The following GALNTL6 variants were observed in gnomAD, a reference collection of about 807,000 sequenced individuals.
GALNTL6 encodes the protein polypeptide N-acetylgalactosaminyltransferase like 6, also known as polypeptide N-acetylgalactosaminyltransferase-like 6.
GALNTL6 carries 46 observed loss-of-function variants against 73.7 expected under a neutral mutation model. The observed-to-expected ratio is 0.62, with a 90% CI of 0.49 to 0.80. GALNTL6 has a LOEUF of 0.80. Ranked by LOEUF, GALNTL6 falls within the 30% of genes least tolerant of loss-of-function variation. The pLI, the probability that GALNTL6 is intolerant of heterozygous loss-of-function variation, is 0.00. For synonymous variants in GALNTL6, 259 were observed against 263.7 expected, an observed-to-expected ratio of 0.98 and a Z score of 0.17; for missense variants, 604 against 755.0, an observed-to-expected ratio of 0.80 and a Z score of 2.34.
chr4:172,650,514 A>G (rs1740427654), intron 5 of GALNTL6, among the ~76,000 whole-genome samples: 1 of 152,216 alleles, frequency 6.6e-6, no homozygotes, highest in South Asian at 2.1e-4. Flanking sequence ...AGGCCATTAC[A>G]TCTATTTAAC....
At chr4:172,940,028 AT>A (rs926825669) in intron 9 of GALNTL6, among the ~76,000 whole-genome samples, 1 of 152,140 alleles carries the variant, frequency 6.6e-6, no homozygotes, top group South Asian at 2.1e-4. Flanking sequence ...TAAAGCATAG[AT>A]TTTTTTCATA....
chr4:172,756,254 A>G (rs1737742640), intron 5 of GALNTL6, among the ~76,000 whole-genome samples: 1 of 152,252 alleles, frequency 6.6e-6, no homozygotes, highest in Non-Finnish European at 1.5e-5. Flanking sequence ...AAGTTCTAGT[A>G]GGTTTTAGTT....
chr4:172,458,351 G>T (rs1017185893), intron 5 of GALNTL6, among the ~76,000 whole-genome samples: 1 of 150,998 alleles, frequency 6.6e-6, no homozygotes. Flanking sequence ...CCAAGCAGAA[G>T]ACAAGAAATA....
chr4:172,487,685 A>G (rs1455189046), intron 5 of GALNTL6, among the ~76,000 whole-genome samples: 1 of 151,928 alleles, frequency 6.6e-6, no homozygotes, highest in Non-Finnish European at 1.5e-5. Flanking sequence ...ACCACACCCG[A>G]CCATGTTTTG....
intron 3 of GALNTL6, among the ~76,000 whole-genome samples, chr4:172,269,722 T>TTCTC (rs71592064): frequency 2.0e-4 from 31 of 151,306 alleles, no homozygotes; most frequent in African/African-American, 7.5e-4. Flanking sequence ...TTTTTATGCA[T>TTCTC]TCTCTCTCTC....
chr4:172,051,072 C>A (rs1253759538), intron 2 of GALNTL6, among the ~76,000 whole-genome samples: 2 of 152,136 alleles, frequency 1.3e-5, no homozygotes, highest in Non-Finnish European at 2.9e-5. Flanking sequence ...TCAACCTTGG[C>A]AAAGGCAGAG....
At chr4:172,321,285 A>G (rs1740748787) in intron 4 of GALNTL6, among the ~76,000 whole-genome samples, 1 of 152,190 alleles carries the variant, frequency 6.6e-6, no homozygotes. Context: ...GTTACTAAAA[A>G]AATAAACAAG....
intron 11 of GALNTL6, among the ~76,000 whole-genome samples, chr4:173,011,564 A>C (rs9996247): frequency 0.42 from 63,382 of 152,022 alleles, 14,764 homozygotes; most frequent in African/African-American, 0.63. Flanking sequence ...TCTACTCTCC[A>C]GAGTAGCTGG....
intron 2 of GALNTL6, among the ~76,000 whole-genome samples, chr4:172,084,532 G>T (rs575398571): frequency 1.3e-5 from 2 of 152,284 alleles, no homozygotes; most frequent in East Asian, 3.9e-4. Flanking sequence ...CAGTGCAATG[G>T]TGTGATCACA....
intron 5 of GALNTL6, among the ~76,000 whole-genome samples, chr4:172,390,574 A>G (rs1366955458): frequency 6.6e-6 from 1 of 152,216 alleles, no homozygotes; most frequent in Non-Finnish European, 1.5e-5. Context: ...CTTGCCCAAT[A>G]GCCACTTAGT....
intron 5 of GALNTL6, among the ~76,000 whole-genome samples, chr4:172,453,116 G>A (rs1052069214): frequency 1.3e-5 from 2 of 151,932 alleles, no homozygotes; most frequent in East Asian, 1.9e-4. Flanking sequence ...CAGAAGAATC[G>A]TTTAGAACCC....
chr4:172,752,726 G>A (rs2110787888), intron 5 of GALNTL6, among the ~76,000 whole-genome samples: 1 of 152,096 alleles, frequency 6.6e-6, no homozygotes, highest in Admixed American at 6.5e-5. Flanking sequence ...TGAATGTATT[G>A]CATAATTTAC....
In GALNTL6 at chr4:173,001,332, A is replaced by T. The variant is rs564798590; in HGVS notation, c.1372-7846A>T. On this transcript the variant is annotated intron_variant, in intron 10 of 12. Transcript: ENST00000506823. The stretch of plus-strand genomic sequence containing the variant: ...AAACTAATATATCTACGTGCAAAAA[A>T]ATGAGGTTGTAAAATTTACTTTACA... 1.1e-4 allele frequency among the ~76,000 whole-genome samples: 16 copies of T among 152,336 alleles called. No homozygotes were observed. The South Asian group carries it at 3.3e-3, about 32-fold the overall frequency.
intron 2 of GALNTL6, among the ~76,000 whole-genome samples, chr4:172,096,565 T>G (rs1366155829): frequency 6.6e-6 from 1 of 152,146 alleles, no homozygotes; most frequent in African/African-American, 2.4e-5. Context: ...TATTTGCTTA[T>G]TTTTGTTTAT....
chr4:172,657,839 G>C (rs1256625612), intron 5 of GALNTL6, among the ~76,000 whole-genome samples: 1 of 152,248 alleles, frequency 6.6e-6, no homozygotes, highest in Non-Finnish European at 1.5e-5. Flanking sequence ...ACCAGTCAAC[G>C]GTCGGCACAC....
intron 5 of GALNTL6, among the ~76,000 whole-genome samples, chr4:172,645,648 G>GA (rs894212629): frequency 1.3e-5 from 2 of 151,082 alleles, no homozygotes; most frequent in Non-Finnish European, 3.0e-5. Context: ...CAGATTAATA[G>GA]AAAAAAAAGC....
At chr4:172,464,430 A>C (rs1473452866) in intron 5 of GALNTL6, among the ~76,000 whole-genome samples, 1 of 152,108 alleles carries the variant, frequency 6.6e-6, no homozygotes, top group African/African-American at 2.4e-5. Context: ...GAATGAGGCC[A>C]GGCATGGTGT....
intron 2 of GALNTL6, among the ~76,000 whole-genome samples, chr4:171,993,599 G>T (rs1018576277): frequency 1.3e-5 from 2 of 152,006 alleles, no homozygotes; most frequent in African/African-American, 4.8e-5. Context: ...CATCCATTTG[G>T]TTTAGATAAA....
chr4:172,861,692 G>C (rs1311869309), intron 7 of GALNTL6, among the ~76,000 whole-genome samples: 1 of 152,158 alleles, frequency 6.6e-6, no homozygotes, highest in African/African-American at 2.4e-5. Context: ...AATCATGGAG[G>C]TGGTTCTTTC....
Sources: gnomAD v4.1 joint callset for allele counts (sites outside exome capture counted in the v4.1 genomes callset) on GRCh38, gnomAD v4.1.1 for gene constraint, MANE v1.5 for transcripts, NCBI Gene and HGNC (gene_info 2026-07-23, HGNC 2026-07-21) for gene names.